The following PPDPFL variants were observed in gnomAD, a reference collection of about 807,000 sequenced individuals.
The protein encoded by PPDPFL is pancreatic progenitor cell differentiation and proliferation factor like.
A neutral mutation model predicts 12.6 loss-of-function variants in PPDPFL; 12 were observed. The observed-to-expected ratio is 0.95, with a 90% confidence interval of 0.61 to 1.54. The LOEUF is 1.54. PPDPFL is among the 40% of genes most tolerant of loss of function. The probability of loss-of-function intolerance (pLI) is 0.00; values close to 1 mark genes in which losing one functional copy is unlikely to be tolerated. For synonymous variants in PPDPFL, 24 were observed against 32.7 expected (o/e 0.73, Z 0.91); for missense variants, 114 against 96.0 (o/e 1.19, Z -0.78).
rs749374944 is a variant in PPDPFL, at chr8:49,072,813, TTTCTCAC to T, written c.-17_-11del. On this transcript the variant is annotated 5_prime_UTR_variant, in exon 2 of 5. The change abolishes the stop of an existing upstream ORF in the 5' untranslated region. Transcript: ENST00000522267. ...TTAATGCTCACAGCTTCTTGGGTGCTTTCTCACGGGTAAAGCCATGGCATCCGTACCT... is the reference window on the plus strand; with the variant it reads ...TTAATGCTCACAGCTTCTTGGGTGCTGGGTAAAGCCATGGCATCCGTACCT... 7 of 1,592,846 alleles carry T rather than the reference TTTCTCAC, an allele frequency of 4.4e-6. No homozygotes were observed. Among genetic ancestry groups the T allele is most frequent in the African/African-American group, 1.4e-5 (1 of 73,492 alleles).
intron 1 of PPDPFL, among the ~76,000 whole-genome samples, chr8:49,063,980 C>T (rs1275965962): frequency 6.6e-6 from 1 of 152,188 alleles, no homozygotes; most frequent in African/African-American, 2.4e-5. Context: ...ACCTGAGCCT[C>T]AGAGCCTGAG....
intron 1 of PPDPFL, among the ~76,000 whole-genome samples, chr8:49,061,207 G>A (rs1808195943): frequency 6.6e-6 from 1 of 152,066 alleles, no homozygotes; most frequent in Admixed American, 6.6e-5. Context: ...TTGAAGATAG[G>A]GTTTTAAAGA....
At chr8:49,069,752 C>T (rs1193884212), upstream of PPDPFL, among the ~76,000 whole-genome samples, 14 of 152,116 alleles carry the variant, frequency 9.2e-5, no homozygotes, top group African/African-American at 3.1e-4. Context: ...CTGGCTAACA[C>T]GGTGAAACCC....
intron 1 of PPDPFL, among the ~76,000 whole-genome samples, chr8:49,054,937 C>A (rs1006179853): frequency 6.6e-6 from 1 of 152,052 alleles, no homozygotes; most frequent in African/African-American, 2.4e-5. Context: ...TGTTGGTGCT[C>A]CTCAAAGCTC....
Position 49,075,490 on chromosome 8 carries a change from T to A in PPDPFL, c.*317T>A. The A allele has an allele frequency of 1.7e-6, 1 of 585,388 alleles. No individual in the cohort carries two copies. Among genetic ancestry groups the A allele is most frequent in the South Asian group, 2.1e-5 (1 of 47,372 alleles). 36.3% of individuals were successfully genotyped at this position (585,388 alleles called of 1,614,324 possible). ...TGGTGCATCTTTGAAAAGTGTGCCT[T>A]TAGAAACAAGACACCCTTTTAAAGT... On this transcript the variant is annotated 3_prime_UTR_variant, in exon 5 of 5. Transcript: ENST00000522267.
intron 1 of PPDPFL, 96 bp from the exon 2 acceptor site, chr8:49,072,691 G>A: frequency 1.8e-6 from 1 of 563,684 alleles, no homozygotes. Context: ...TTTATTACAT[G>A]GTAAATGATA....
At chr8:49,054,978 G>A (rs1391008365) in intron 1 of PPDPFL, among the ~76,000 whole-genome samples, 3 of 152,108 alleles carry the variant, frequency 2.0e-5, no homozygotes, top group African/African-American at 7.2e-5. Context: ...AATTCTGGCT[G>A]AGGCCAGTCT....
At chr8:49,069,231 T>G (rs1808343941), upstream of PPDPFL, among the ~76,000 whole-genome samples, 2 of 152,334 alleles carry the variant, frequency 1.3e-5, no homozygotes, top group Non-Finnish European at 1.5e-5. Context: ...TTAGATGATA[T>G]ACAGGAAACT....
chr8:49,066,616 G>C (rs1808304966), intron 1 of PPDPFL, among the ~76,000 whole-genome samples: 1 of 152,168 alleles, frequency 6.6e-6, no homozygotes, highest in Non-Finnish European at 1.5e-5. Flanking sequence ...CATCCCCCAA[G>C]AAGAAGGAGG....
upstream of PPDPFL, among the ~76,000 whole-genome samples, chr8:49,071,051 C>G (rs1445997512): frequency 6.6e-6 from 1 of 152,130 alleles, no homozygotes. Flanking sequence ...CTCCCTGCCT[C>G]GGGTAATCAC....
At chr8:49,070,170 C>T (rs1171715707), upstream of PPDPFL, among the ~76,000 whole-genome samples, 5 of 151,938 alleles carry the variant, frequency 3.3e-5, no homozygotes, top group African/African-American at 4.8e-5. Context: ...CATGTTCTCA[C>T]GTAAAAGTGG....
Position 49,075,442 on chromosome 8 carries a change from C to T in PPDPFL, c.*269C>T, listed in dbSNP as rs918065434. ...GCATTTTTCTCAACACAAAGACTAT[C>T]GCTGGAAGTGGCACTTGCTACCTGG... On this transcript the variant is annotated 3_prime_UTR_variant, in exon 5 of 5. Coordinates refer to ENST00000522267, the MANE Select transcript of PPDPFL (RefSeq NM_001256597.2). 2.3e-5 allele frequency: 15 copies of T among 647,994 alleles called. No individual in the cohort carries two copies. The highest frequency in any genetic ancestry group is 5.7e-5 in the South Asian group (3 of 53,032). 40.1% of individuals were successfully genotyped at this position (647,994 alleles called of 1,614,324 possible). A position where few individuals can be genotyped will look rare whatever the true frequency, so the allele number is the denominator to read the frequency against.
chr8:49,065,524 C>T (rs972901303), intron 1 of PPDPFL, among the ~76,000 whole-genome samples: 12 of 152,196 alleles, frequency 7.9e-5, no homozygotes, highest in Admixed American at 5.2e-4. Flanking sequence ...TTCATATTTG[C>T]ATGATGGGCA....
upstream of PPDPFL, among the ~76,000 whole-genome samples, chr8:49,069,368 C>T (rs1287077932): frequency 1.3e-5 from 2 of 152,170 alleles, no homozygotes; most frequent in African/African-American, 2.4e-5. Context: ...TTGTTATTCT[C>T]AAGTGCATAG....
chr8:49,062,757 G>C (rs1808233256), intron 1 of PPDPFL, among the ~76,000 whole-genome samples: 1 of 152,186 alleles, frequency 6.6e-6, no homozygotes, highest in African/African-American at 2.4e-5. Context: ...GGTGTTCCCA[G>C]GGCCAAGACG....
chr8:49,067,920 A>G (rs528412276), upstream of PPDPFL, among the ~76,000 whole-genome samples: 1 of 152,332 alleles, frequency 6.6e-6, no homozygotes, highest in East Asian at 1.9e-4. Flanking sequence ...CCTCGACTCT[A>G]GGACAAAAGA....
intron 1 of PPDPFL, among the ~76,000 whole-genome samples, chr8:49,057,364 T>A (rs1207954791): frequency 2.0e-5 from 3 of 152,140 alleles, no homozygotes; most frequent in Non-Finnish European, 4.4e-5. Flanking sequence ...GTATGAAAAA[T>A]TCAATTAATT....
chr8:49,072,899 T>G lies in PPDPFL; in HGVS notation c.55+14T>G. 1.3e-6 allele frequency: 2 copies of G among 1,598,878 alleles called. No homozygotes were observed. Among genetic ancestry groups the G allele is most frequent in the Non-Finnish European group, 1.7e-6 (2 of 1,170,902 alleles). ...AGTATTATCGAAGTAAGTTGCATCA[T>G]CATAGAGACGTCCCTAGATAATATG... On this transcript the variant is annotated intron_variant, in intron 2 of 4. Coordinates refer to ENST00000522267, the MANE Select transcript of PPDPFL (RefSeq NM_001256597.2).
chr8:49,075,024 C>A, intron 4 of PPDPFL, 128 bp from the exon 5 acceptor site: 1 of 1,436,448 alleles, frequency 7.0e-7, no homozygotes, highest in Non-Finnish European at 9.4e-7. Flanking sequence ...TTTTTAAAAG[C>A]CAATGCAAGA....
Sources: gnomAD v4.1 joint callset for allele counts (sites outside exome capture counted in the v4.1 genomes callset) on GRCh38, gnomAD v4.1.1 for gene constraint, MANE v1.5 for transcripts, NCBI Gene and HGNC (gene_info 2026-07-23, HGNC 2026-07-21) for gene names.